The following JAK2 variants were observed in gnomAD, a reference collection of about 807,000 sequenced individuals.
The protein encoded by JAK2 is Janus kinase 2.
JAK2 carries 86 observed loss-of-function variants against 139.3 expected under a neutral mutation model. The ratio of observed to expected loss-of-function variants is 0.62; its 90% CI spans 0.52 to 0.74. JAK2 has a LOEUF of 0.74. JAK2 is among the 30% of genes least tolerant of loss of function. The pLI, the probability that JAK2 is intolerant of heterozygous loss-of-function variation, is 0.00. For missense variants in JAK2, 1,421 were observed against 1,360.3 expected (o/e 1.04, Z -0.70); for synonymous variants, 490 against 437.7 (o/e 1.12, Z -1.49).
rs184065273 is a variant in JAK2 at position 5,023,801 on chromosome 9, A to G, written c.226+1588A>G. 2.5e-3 allele frequency among the ~76,000 whole-genome samples: 382 copies of G among 152,302 alleles called. 2 individuals carry two copies. The highest frequency in any genetic ancestry group is 0.02 in the South Asian group (98 of 4,822). ...GGATATGAGAGACCTCTGGTCAGTT[A>G]TCTTGACTATATTGTAAAGTCTGTA... On this transcript the variant is annotated intron_variant, in intron 3 of 24. Transcript: ENST00000381652.
chr9:5,022,046 A>G lies in JAK2; in HGVS notation c.59A>G (p.Tyr20Cys). 6.2e-7 allele frequency: 1 copy of G among 1,614,158 alleles called. No individual in the cohort carries two copies. Among genetic ancestry groups the G allele is most frequent in the Non-Finnish European group, 8.5e-7 (1 of 1,179,982 alleles). Residue 20 changes from tyrosine to cysteine, a missense_variant, in exon 3 of 25, where the codon TAT (tyrosine) becomes TGT (cysteine). Tyr to Cys is a radical substitution (Grantham distance 194). Coordinates refer to ENST00000381652, the MANE Select transcript of JAK2 (RefSeq NM_004972.4). ...EMEGTSTSSI[Y>C]QNGDISGNAN... ...GAGGGAACATCCACCTCTTCTATAT[A>G]TCAGAATGGTGATATTTCTGGAAAT...
chr9:5,092,372 T>C (rs1351645196), intron 22 of JAK2, among the ~76,000 whole-genome samples: 1 of 152,168 alleles, frequency 6.6e-6, no homozygotes, highest in Non-Finnish European at 1.5e-5. Context: ...TAAGTCGTAA[T>C]ATGGTAAGTG....
chr9:5,085,855 CAG>C, intron 19 of JAK2: 1 of 772,712 alleles, frequency 1.3e-6, no homozygotes, highest in Admixed American at 1.7e-5. Flanking sequence ...AAGTAGTACT[CAG>C]AGATTTCCTT....
chr9:5,082,542 G>T (rs569130466), intron 19 of JAK2, among the ~76,000 whole-genome samples: 1 of 152,264 alleles, frequency 6.6e-6, no homozygotes, highest in Non-Finnish European at 1.5e-5. Flanking sequence ...GCAGGAGACA[G>T]TGGCCTTCCT....
chr9:4,984,734 A>T (rs1350310269), upstream of JAK2: 1 of 152,370 alleles, frequency 6.6e-6, no homozygotes, highest in East Asian at 1.9e-4. Flanking sequence ...GGCCTCCTCC[A>T]GTGCAGGCTG....
At chr9:5,104,810 CAT>C (rs1420130954) in intron 22 of JAK2, among the ~76,000 whole-genome samples, 4 of 152,288 alleles carry the variant, frequency 2.6e-5, no homozygotes, top group East Asian at 1.9e-4. Context: ...ACAAAAACCA[CAT>C]GATTATTTCA....
intron 2 of JAK2, among the ~76,000 whole-genome samples, chr9:5,019,918 T>A: frequency 6.6e-6 from 1 of 152,170 alleles, no homozygotes; most frequent in Non-Finnish European, 1.5e-5. Flanking sequence ...CAGTCCTCAG[T>A]TGTGGCAGCA....
intron 19 of JAK2, 32 bp from the exon 20 acceptor site, chr9:5,089,642 G>A (rs747364648): frequency 3.4e-6 from 4 of 1,163,720 alleles, no homozygotes; most frequent in Admixed American, 3.2e-5. Flanking sequence ...TGAAAACTTG[G>A]TATTTCCATC....
At chr9:5,112,591 T>A (rs1822705664) in intron 22 of JAK2, 3 of 752,922 alleles carry the variant, frequency 4.0e-6, no homozygotes, top group South Asian at 2.1e-5. Flanking sequence ...TTAAGAGGGC[T>A]CTTAAGGAGC....
At chr9:5,100,403 A>C (rs969174526) in intron 22 of JAK2, 6 of 152,242 alleles carry the variant, frequency 3.9e-5, no homozygotes, top group Non-Finnish European at 8.8e-5. Flanking sequence ...CTGTATACCA[A>C]TGATGATGTG....
intron 19 of JAK2, among the ~76,000 whole-genome samples, chr9:5,086,462 A>G (rs1413355012): frequency 6.6e-6 from 1 of 152,194 alleles, no homozygotes; most frequent in Non-Finnish European, 1.5e-5. Flanking sequence ...TCTTCTCTGA[A>G]TATGATTCTT....
At chr9:5,071,569 G>A (rs761979055) in intron 12 of JAK2, among the ~76,000 whole-genome samples, 1 of 152,164 alleles carries the variant, frequency 6.6e-6, no homozygotes, top group Non-Finnish European at 1.5e-5. Flanking sequence ...TAGCTGAAGA[G>A]AGATGTAGTG....
intron 7 of JAK2, among the ~76,000 whole-genome samples, chr9:5,055,188 G>A (rs1046234793): frequency 6.6e-6 from 1 of 151,868 alleles, no homozygotes; most frequent in Admixed American, 6.6e-5. Flanking sequence ...ATAACAGAAG[G>A]CATAATTATA....
chr9:4,987,976 A>T (rs1208814731), intron 2 of JAK2, among the ~76,000 whole-genome samples: 1 of 152,178 alleles, frequency 6.6e-6, no homozygotes, highest in Non-Finnish European at 1.5e-5. Context: ...TAGTATAAAG[A>T]GATAAAGGAC....
chr9:4,997,323 G>C (rs1252358827), intron 2 of JAK2, among the ~76,000 whole-genome samples: 1 of 152,184 alleles, frequency 6.6e-6, no homozygotes, highest in African/African-American at 2.4e-5. Context: ...GGTTCTGCAG[G>C]CTTACAAGCA....
At position 5,066,707 on chromosome 9, in the gene JAK2, A is replaced by C. The variant is rs1297936959; in HGVS notation, c.1244A>C (p.Lys415Thr). The part of the protein sequence containing the change: ...SMDFAISKLK[K>T]AGNQTGLYVL... ...GATTTTGCCATTAGTAAACTGAAGA[A>C]AGCAGGTAATCAGACTGGACTGTAT... is the stretch of plus-strand genomic sequence containing the variant. The change falls in exon 10 of 25, where the codon AAA becomes ACA. Residue 415 changes from lysine (K) to threonine (T), a missense_variant. Transcript: ENST00000381652. 2 of 1,609,346 alleles carry C rather than the reference A, an allele frequency of 1.2e-6. No individual in the cohort carries two copies. The highest frequency in any genetic ancestry group is 2.7e-5 in the African/African-American group (2 of 74,764).
At chr9:5,058,687 A>G (rs1357416110) in intron 8 of JAK2, among the ~76,000 whole-genome samples, 2 of 152,160 alleles carry the variant, frequency 1.3e-5, no homozygotes, top group Non-Finnish European at 2.9e-5. Flanking sequence ...CATTCTCCAC[A>G]TGCTCATCAA....
Position 5,127,404 on chromosome 9 carries a change from T to C in JAK2, c.*613T>C. ...ACTTTTAGCTTGTAGTTCCATGTACTGTAAATATTTTTCACATAAAGGGAA... is the reference window on the plus strand; with the variant it reads ...ACTTTTAGCTTGTAGTTCCATGTACCGTAAATATTTTTCACATAAAGGGAA... On this transcript the variant is annotated 3_prime_UTR_variant, in exon 25 of 25. Transcript: ENST00000381652. The C allele has an allele frequency of 4.3e-6, 1 of 231,970 alleles. No individual in the cohort carries two copies. The allele number at this position is 231,970 out of a possible 1,614,324, so 14.4% of individuals were successfully genotyped here.
chr9:5,073,599 G>A (rs1484254841), intron 13 of JAK2, 99 bp from the exon 14 acceptor site: 2 of 869,396 alleles, frequency 2.3e-6, no homozygotes, highest in Non-Finnish European at 1.9e-6. Context: ...CATGCTGAAA[G>A]TAGGAGAAAG....
Sources: allele counts gnomAD v4.1 joint callset (sites outside exome capture counted in the v4.1 genomes callset), GRCh38; gene constraint gnomAD v4.1.1; transcripts MANE v1.5; gene names NCBI Gene and HGNC (gene_info 2026-07-23, HGNC 2026-07-21).